Variants in AGFG1 observed in about 807,000 individuals in gnomAD.
AGFG1 encodes ArfGAP with FG repeats 1.
AGFG1 carries 10 observed loss-of-function variants against 60.6 expected under a neutral mutation model. That is an observed-to-expected ratio of 0.16 (90% confidence interval 0.10 to 0.28). The LOEUF (loss-of-function observed/expected upper bound fraction) is 0.28. Ranked by LOEUF, AGFG1 falls within the 10% of genes least tolerant of loss-of-function variation. AGFG1 has a pLI of 1.00. For synonymous variants in AGFG1, 247 were observed against 242.9 expected (o/e 1.02, Z -0.16); for missense variants, 537 against 676.5 (o/e 0.79, Z 2.29).
chr2:227,525,790 T>C (rs181566266), intron 5 of AGFG1, among the ~76,000 whole-genome samples: 1 of 152,340 alleles, frequency 6.6e-6, no homozygotes, highest in East Asian at 1.9e-4. Context: ...GATGGGTGGC[T>C]GGGGATATTC....
chr2:227,529,131 AT>A (rs1692086609), intron 5 of AGFG1, among the ~76,000 whole-genome samples: 1 of 152,244 alleles, frequency 6.6e-6, no homozygotes, highest in East Asian at 1.9e-4. Flanking sequence ...AAACTACTGA[AT>A]TACTCATTTA....
rs754276356 is a variant in AGFG1, at chr2:227,552,057, C to T, written c.1477C>T (p.Pro493Ser). Reference sequence around the variant, plus strand: ...CAGCTTTAGTGGCAGCTTTCAGCAGCCTGCCTTTCCAGCCCAAGCAGCTTT... The same window carrying T: ...CAGCTTTAGTGGCAGCTTTCAGCAGTCTGCCTTTCCAGCCCAAGCAGCTTT... ...PTSFSGSFQQ[P>S]AFPAQAAFPQ... Residue 493 changes from proline (P) to serine (S), a missense_variant, in exon 11 of 13, where the codon CCT becomes TCT. Pro to Ser is a moderately conservative substitution (Grantham distance 74). Transcript: ENST00000310078. 1.2e-6 allele frequency: 2 copies of T among 1,614,192 alleles called. No homozygotes were observed. Among genetic ancestry groups the T allele is most frequent in the Non-Finnish European group, 1.7e-6 (2 of 1,180,034 alleles).
rs1247099636 is a variant in AGFG1 at position 227,472,338 on chromosome 2, A to C, written c.-84A>C. 20 of 889,772 alleles carry C rather than the reference A, an allele frequency of 2.2e-5. No homozygotes were observed. The highest frequency in any genetic ancestry group is 2.7e-5 in the Non-Finnish European group (20 of 742,698). 55.1% of individuals were successfully genotyped at this position (889,772 alleles called of 1,614,324 possible). A position where few individuals can be genotyped will look rare whatever the true frequency, so the allele number is the denominator to read the frequency against. On this transcript the variant is annotated 5_prime_UTR_variant, in exon 1 of 13. Transcript: ENST00000310078. ...CAGACGGAGGGCGGCGGCCGCGGCC[A>C]GGGCGGCCCGTGGGACCGCGGGCCC...
chr2:227,506,906 C>T (rs927601213), intron 2 of AGFG1, among the ~76,000 whole-genome samples: 5 of 152,170 alleles, frequency 3.3e-5, no homozygotes, highest in East Asian at 1.9e-4. Flanking sequence ...ACCTATAAAC[C>T]GGTGGTTGGC....
In AGFG1 at chr2:227,546,320, C is replaced by T. The variant is rs557239805; in HGVS notation, c.1379-5639C>T. 5.9e-5 allele frequency among the ~76,000 whole-genome samples: 9 copies of T among 152,326 alleles called. No individual in the cohort carries two copies. In the East Asian group the frequency reaches 9.7e-4, roughly 16 times the overall value. On this transcript the variant is annotated intron_variant, in intron 10 of 12. Transcript: ENST00000310078. ...CGCGGGATATAATCTTCTGGTGTGC[C>T]GTTTGCTAAGACCTTTGGCAAAGTG...
At chr2:227,493,254 A>G (rs879381122) in intron 2 of AGFG1, among the ~76,000 whole-genome samples, 2 of 152,198 alleles carry the variant, frequency 1.3e-5, no homozygotes, top group Admixed American at 6.5e-5. Context: ...GCTGTATAGC[A>G]GATCTCTAGA....
chr2:227,535,112 G>T, intron 8 of AGFG1, 87 bp downstream of exon 8: 4 of 1,298,342 alleles, frequency 3.1e-6, no homozygotes, highest in South Asian at 2.1e-5. Flanking sequence ...ACTGTTTCAA[G>T]GTATAATTTT....
rs779264626 is a variant in AGFG1 at position 227,551,965 on chromosome 2, C to G, written c.1385C>G (p.Thr462Ser). 2 of 1,613,938 alleles carry G rather than the reference C, an allele frequency of 1.2e-6. No homozygotes were observed. Among genetic ancestry groups the G allele is most frequent in the South Asian group, 2.2e-5 (2 of 91,034 alleles). The change falls in exon 11 of 13, where the codon ACC (threonine) becomes AGC (serine). Residue 462 changes from threonine (T) to serine (S), a missense_variant. Thr to Ser is a moderately conservative substitution (Grantham distance 58, BLOSUM62 1). This residue lies in a region of AGFG1 where 287 missense variants were observed against 343.6 expected (regional missense o/e 0.84). Coordinates refer to ENST00000310078, the MANE Select transcript of AGFG1 (RefSeq NM_004504.5). ...AGCCCTTCTCTTCTGTCAGCGGCAA[C>G]CTTTGGCACTGCATCCATGAGCATG... is the stretch of plus-strand genomic sequence containing the variant. The part of the protein sequence containing the change: ...QTNARGATAA[T>S]FGTASMSMPT...
chr2:227,525,373 T>C (rs1691963116), intron 5 of AGFG1, among the ~76,000 whole-genome samples: 1 of 152,192 alleles, frequency 6.6e-6, no homozygotes, highest in Non-Finnish European at 1.5e-5. Context: ...ATAACCATAT[T>C]AGTAGCATCA....
chr2:227,529,960 T>A (rs1692111318), intron 5 of AGFG1, among the ~76,000 whole-genome samples: 1 of 151,974 alleles, frequency 6.6e-6, no homozygotes, highest in African/African-American at 2.4e-5. Flanking sequence ...TGGGAATTCA[T>A]GGGAAATAAT....
chr2:227,536,749 A>G, intron 9 of AGFG1, 45 bp downstream of exon 9: 1 of 1,595,120 alleles, frequency 6.3e-7, no homozygotes, highest in South Asian at 1.1e-5. Context: ...AAGAACCCAA[A>G]TATATATTGT....
At chr2:227,549,951 A>G (rs1575118706) in intron 10 of AGFG1, 5 of 377,772 alleles carry the variant, frequency 1.3e-5, no homozygotes, top group South Asian at 1.0e-4. Context: ...CCCCTTAGCA[A>G]CAGTACACTC....
At chr2:227,531,686 A>G in intron 6 of AGFG1, among the ~76,000 whole-genome samples, 1 of 149,008 alleles carries the variant, frequency 6.7e-6, no homozygotes, top group East Asian at 2.0e-4. Flanking sequence ...TCCTGCCTTG[A>G]CCTCCCACAG....
Position 227,531,166 on chromosome 2 carries a change from G to T in AGFG1, c.770G>T (p.Gly257Val), listed in dbSNP as rs1432992925. 6.2e-7 allele frequency: 1 copy of T among 1,613,624 alleles called. No individual in the cohort carries two copies. Among genetic ancestry groups the T allele is most frequent in the Admixed American group, 1.7e-5 (1 of 59,958 alleles). The part of the protein sequence containing the change: ...GQSSGSSNFG[G>V]FPTASHSPFQ... ...TCTAGTGGTTCGAGTAATTTTGGAGGTTTCCCCACAGCAAGTCACTCTCCT... is the reference window on the plus strand; with the variant it reads ...TCTAGTGGTTCGAGTAATTTTGGAGTTTTCCCCACAGCAAGTCACTCTCCT... Residue 257 changes from glycine to valine, a missense_variant, in exon 6 of 13, where the codon GGT (glycine) becomes GTT (valine). This residue lies in a region of AGFG1 where 287 missense variants were observed against 343.6 expected (regional missense o/e 0.84). Coordinates refer to ENST00000310078, the MANE Select transcript of AGFG1 (RefSeq NM_004504.5).
chr2:227,546,368 C>T (rs982273570), intron 10 of AGFG1, among the ~76,000 whole-genome samples: 3 of 152,202 alleles, frequency 2.0e-5, no homozygotes, highest in African/African-American at 7.2e-5. Context: ...GGGAGTGTCC[C>T]GATTTTCCAG....
At chr2:227,509,336 G>C (rs1407984157) in intron 2 of AGFG1, among the ~76,000 whole-genome samples, 1 of 152,064 alleles carries the variant, frequency 6.6e-6, no homozygotes, top group African/African-American at 2.4e-5. Flanking sequence ...AGATATCATA[G>C]TCATGAAAGA....
At chr2:227,481,191 A>G (rs1428667228) in intron 1 of AGFG1, among the ~76,000 whole-genome samples, 1 of 147,258 alleles carries the variant, frequency 6.8e-6, no homozygotes, top group East Asian at 2.0e-4. Flanking sequence ...TTTTTGGGGA[A>G]TATAAAAGCC....
intron 1 of AGFG1, among the ~76,000 whole-genome samples, chr2:227,489,620 A>G (rs1458815431): frequency 6.6e-6 from 1 of 152,182 alleles, no homozygotes; most frequent in Admixed American, 6.5e-5. Context: ...AAAAATGAGT[A>G]TAAAATTTAA....
At chr2:227,477,011 C>T (rs1355666550) in intron 1 of AGFG1, among the ~76,000 whole-genome samples, 1 of 151,850 alleles carries the variant, frequency 6.6e-6, no homozygotes, top group Non-Finnish European at 1.5e-5. Context: ...AAGCCATTCT[C>T]CTGCCTCAGC....
Sources: allele counts gnomAD v4.1 joint callset (sites outside exome capture counted in the v4.1 genomes callset), GRCh38; gene constraint gnomAD v4.1.1; regional missense constraint gnomAD v4.1.1; transcripts MANE v1.5; gene names NCBI Gene and HGNC (gene_info 2026-07-23, HGNC 2026-07-21).